Variants in FRMPD4 observed in about 807,000 individuals in gnomAD.
FRMPD4 encodes FERM and PDZ domain containing 4, also known as FERM and PDZ domain-containing protein 4.
A neutral mutation model predicts 94.1 loss-of-function variants in FRMPD4; 22 were observed. The ratio of observed to expected loss-of-function variants is 0.23; its 90% CI spans 0.17 to 0.33. FRMPD4 has a LOEUF of 0.33. Among genes scored for constraint, FRMPD4 ranks in the 10% least tolerant of loss-of-function variants. The probability of loss-of-function intolerance (pLI) is 1.00; values close to 1 mark genes in which losing one functional copy is unlikely to be tolerated. For synonymous variants in FRMPD4, 631 were observed against 548.6 expected, an observed-to-expected ratio of 1.15 and a Z score of -2.10; for missense variants, 1,111 against 1,339.9, an observed-to-expected ratio of 0.83 and a Z score of 2.67.
At chrX:12,065,500 C>T (rs971082994) in intron 3 of FRMPD4, among the ~76,000 whole-genome samples, 1 of 111,916 alleles carries the variant, frequency 8.9e-6, no homozygotes, top group African/African-American at 3.3e-5. Flanking sequence ...ATGGATCAGG[C>T]CTGGCTGCCT....
chrX:12,275,849 C>T (rs1232689872), intron 1 of FRMPD4, among the ~76,000 whole-genome samples: 1 of 111,711 alleles, frequency 9.0e-6, no homozygotes, highest in East Asian at 2.8e-4. Context: ...ATCAGTTCCA[C>T]TTAACCTGTC....
chrX:12,473,555 C>G lies in FRMPD4; in HGVS notation c.42-25125C>G, dbSNP rs1437888761. Among the ~76,000 whole-genome samples the G allele has an allele frequency of 4.6e-4, 50 of 108,967 alleles. 3 individuals are homozygous for G. Among genetic ancestry groups the G allele is most frequent in the South Asian group, 3.9e-3 (10 of 2,570 alleles). 94.6% of individuals were successfully genotyped at this position (108,967 alleles called of 115,157 possible). ...AACAGTCAAGACCCATCAGTGTGCT[C>G]TATTCAGGAAACCCACCTCATGTGC... On this transcript the variant is annotated intron_variant, in intron 1 of 16. Transcript: ENST00000675598.
At chrX:12,642,138 C>A (rs1226014307) in intron 4 of FRMPD4, among the ~76,000 whole-genome samples, 2 of 111,426 alleles carry the variant, frequency 1.8e-5, no homozygotes, top group Non-Finnish European at 3.8e-5. Flanking sequence ...TGATGCAAGG[C>A]ACTGATTATG....
chrX:12,294,804 G>T (rs907470927), intron 1 of FRMPD4, among the ~76,000 whole-genome samples: 10 of 111,125 alleles, frequency 9.0e-5, no homozygotes, highest in Non-Finnish European at 1.7e-4. Context: ...AATACAGAAG[G>T]CTGGGCGATA....
chrX:12,463,681 G>GTGTTTTTTTTGTTTTTTT (rs1555969426), intron 1 of FRMPD4, among the ~76,000 whole-genome samples: 1 of 51,046 alleles, frequency 2.0e-5, no homozygotes, highest in Non-Finnish European at 3.4e-5. Context: ...CTATGTGTGT[G>GTGTTTTTTTTGTTTTTTT]TTTTTTTTTT....
intron 1 of FRMPD4, among the ~76,000 whole-genome samples, chrX:12,220,750 T>C (rs1285970692): frequency 1.8e-5 from 2 of 112,481 alleles, no homozygotes; most frequent in African/African-American, 6.5e-5. Context: ...AATGATACTT[T>C]CTGTGCTTTT....
At chrX:12,546,090 C>G (rs1569328040) in intron 2 of FRMPD4, among the ~76,000 whole-genome samples, 1 of 111,908 alleles carries the variant, frequency 8.9e-6, no homozygotes, top group Non-Finnish European at 1.9e-5. Context: ...TGGCATATCA[C>G]TTTCTAACGA....
intron 1 of FRMPD4, among the ~76,000 whole-genome samples, chrX:12,254,964 T>C (rs2054094710): frequency 9.0e-6 from 1 of 111,367 alleles, no homozygotes; most frequent in African/African-American, 3.3e-5. Flanking sequence ...CACTCTTACC[T>C]TTCCCCAATT....
intron 3 of FRMPD4, among the ~76,000 whole-genome samples, chrX:11,921,108 C>T (rs2054053396): frequency 8.9e-6 from 1 of 112,160 alleles, no homozygotes; most frequent in African/African-American, 3.2e-5. Context: ...ACTTGCCATG[C>T]CTTTCTATGA....
chrX:12,600,255 A>G (rs912380462), intron 2 of FRMPD4, among the ~76,000 whole-genome samples: 1 of 110,486 alleles, frequency 9.1e-6, no homozygotes, highest in Non-Finnish European at 1.9e-5. Flanking sequence ...GATTTTGTTG[A>G]CATTCGTCTG....
In FRMPD4 at chrX:11,976,660, A is replaced by G. The variant is rs116794868; in HGVS notation, c.95+98642A>G. Among the ~76,000 whole-genome samples the G allele has an allele frequency of 5.7e-3, 647 of 112,543 alleles. 10 individuals carry two copies. Among genetic ancestry groups the G allele is most frequent in the African/African-American group, 0.017 (536 of 31,081 alleles). On this transcript the variant is annotated intron_variant, in intron 3 of 18. Transcript: ENST00000640291. ...AGATCAGTTGATCAATTATAATGCA[A>G]TTCTTCAGATCACACACTTTTGTTT...
At chrX:12,148,967 A>G (rs981320658) in intron 1 of FRMPD4, among the ~76,000 whole-genome samples, 1 of 112,028 alleles carries the variant, frequency 8.9e-6, no homozygotes, top group Non-Finnish European at 1.9e-5. Flanking sequence ...CTTTCAAAAT[A>G]TTACTGCCCA....
chrX:12,450,054 G>T (rs2057246789), intron 1 of FRMPD4, among the ~76,000 whole-genome samples: 1 of 110,220 alleles, frequency 9.1e-6, no homozygotes. Context: ...TTTTATTCCT[G>T]TGAAGAGATT....
intron 4 of FRMPD4, among the ~76,000 whole-genome samples, chrX:12,619,298 G>A (rs775372138): frequency 8.9e-6 from 1 of 112,013 alleles, no homozygotes; most frequent in African/African-American, 3.2e-5. Context: ...CCTGGGTAGC[G>A]GTAGTGTTCT....
At chrX:12,032,120 G>A in intron 3 of FRMPD4, among the ~76,000 whole-genome samples, 1 of 112,104 alleles carries the variant, frequency 8.9e-6, no homozygotes, top group Non-Finnish European at 1.9e-5. Context: ...TTCAAGTAGT[G>A]TGATCCAACA....
Position 12,089,089 on chromosome X carries a change from A to G in FRMPD4, c.95+211071A>G, listed in dbSNP as rs1163927542. Among the ~76,000 whole-genome samples the G allele has an allele frequency of 2.7e-5, 3 of 112,137 alleles. No individual in the cohort carries two copies. In the East Asian group the frequency reaches 8.4e-4, roughly 31 times the overall value. On this transcript the variant is annotated intron_variant, in intron 3 of 18. Transcript: ENST00000640291. The stretch of plus-strand genomic sequence containing the variant: ...TTTTCTGTCTGGCTTCCTTGACTCA[A>G]TATTATGTTTGTGAAATTCATCCAT...
intron 1 of FRMPD4, among the ~76,000 whole-genome samples, chrX:12,169,899 G>C (rs1005602538): frequency 8.9e-6 from 1 of 111,832 alleles, no homozygotes; most frequent in Non-Finnish European, 1.9e-5. Context: ...GGGAGTGGTT[G>C]TGTTCTAATA....
At position 12,332,190 on chromosome X, in the gene FRMPD4, TTATA is replaced by T. The variant is rs1173963808; in HGVS notation, c.42-166475_42-166472del. On this transcript the variant is annotated intron_variant, in intron 1 of 16. Transcript: ENST00000675598. ...ATTTTACATATATATAATTTATATT[TTATA>T]TATATATATATATAGAGAGAGAGAG... Among the ~76,000 whole-genome samples the T allele has an allele frequency of 7.5e-3, 475 of 63,443 alleles. 9 individuals carry two copies. Among genetic ancestry groups the T allele is most frequent in the Non-Finnish European group, 9.8e-3 (380 of 38,656 alleles). The allele number at this position is 63,443 out of a possible 115,157, so 55.1% of individuals were successfully genotyped here. A position where few individuals can be genotyped will look rare whatever the true frequency, so the allele number is the denominator to read the frequency against.
chrX:12,320,749 A>T lies in FRMPD4; in HGVS notation c.42-177931A>T, dbSNP rs770717201. On this transcript the variant is annotated intron_variant, in intron 1 of 16. Transcript: ENST00000675598. ...TGGTTATGTTGTTTATTTAATTCAG[A>T]AGTCTTTTAAAAGCGATACTGTAAA... Among the ~76,000 whole-genome samples, 3 of 111,716 alleles carry T rather than the reference A, an allele frequency of 2.7e-5. No homozygotes were observed. The East Asian group carries it at 8.4e-4, about 31-fold the overall frequency.
Sources: gnomAD v4.1 joint callset for allele counts (sites outside exome capture counted in the v4.1 genomes callset) on GRCh38, gnomAD v4.1.1 for gene constraint, MANE v1.5 for transcripts, NCBI Gene and HGNC (gene_info 2026-07-23, HGNC 2026-07-21) for gene names.